The following TPRG1 variants were observed in gnomAD, a reference collection of about 807,000 sequenced individuals.
The protein encoded by TPRG1 is tumor protein p63-regulated gene 1 protein.
A neutral mutation model predicts 29.3 loss-of-function variants in TPRG1; 29 were observed. The observed-to-expected ratio is 0.99, with a 90% CI of 0.74 to 1.35. The LOEUF is 1.35. Ranked by LOEUF, TPRG1 falls within the 40% of genes most tolerant of loss-of-function variation. TPRG1 has a pLI of 0.00. For synonymous variants in TPRG1, 130 were observed against 116.8 expected (o/e 1.11, Z -0.73); for missense variants, 327 against 335.0 (o/e 0.98, Z 0.19).
At chr3:189,038,591 T>C (rs1460338477) in intron 4 of TPRG1, among the ~76,000 whole-genome samples, 1 of 151,844 alleles carries the variant, frequency 6.6e-6, no homozygotes, top group Non-Finnish European at 1.5e-5. Context: ...ACTCCCAAAA[T>C]TAAAAGTATA....
At chr3:189,139,624 C>T (rs1454818186) in intron 3 of TPRG1, among the ~76,000 whole-genome samples, 3 of 151,542 alleles carry the variant, frequency 2.0e-5, no homozygotes, top group Non-Finnish European at 4.4e-5. Context: ...GTTTTCTTTT[C>T]AGCATCAGCG....
At chr3:189,128,946 T>C (rs1722800526) in intron 2 of TPRG1, among the ~76,000 whole-genome samples, 1 of 152,158 alleles carries the variant, frequency 6.6e-6, no homozygotes, top group Non-Finnish European at 1.5e-5. Flanking sequence ...AACTCAGTTA[T>C]CTTTTAAACT....
upstream of TPRG1, among the ~76,000 whole-genome samples, chr3:189,098,178 T>G (rs2152186403): frequency 6.6e-6 from 1 of 152,036 alleles, no homozygotes; most frequent in East Asian, 1.9e-4. Flanking sequence ...GAGAGCCGGG[T>G]AGGGAAAGTA....
intron 2 of TPRG1, among the ~76,000 whole-genome samples, chr3:189,208,875 A>G (rs1359096755): frequency 6.6e-6 from 1 of 152,194 alleles, no homozygotes; most frequent in Non-Finnish European, 1.5e-5. Context: ...CTGGGAGCTG[A>G]TGCAATTATG....
intron 2 of TPRG1, among the ~76,000 whole-genome samples, chr3:189,214,548 T>G (rs1735748745): frequency 4.6e-5 from 7 of 152,152 alleles, no homozygotes; most frequent in Admixed American, 3.3e-4. Flanking sequence ...CGAAGTACAT[T>G]TGAGCAGTGG....
At chr3:189,183,773 G>T (rs1229457434) in intron 1 of TPRG1, among the ~76,000 whole-genome samples, 1 of 151,812 alleles carries the variant, frequency 6.6e-6, no homozygotes, top group Non-Finnish European at 1.5e-5. Flanking sequence ...TTGTTATCCT[G>T]TTCTTTTTTC....
intron 3 of TPRG1, among the ~76,000 whole-genome samples, chr3:189,218,309 G>C (rs1423507650): frequency 6.6e-6 from 1 of 151,940 alleles, no homozygotes; most frequent in Non-Finnish European, 1.5e-5. Context: ...GTAGAGATAG[G>C]ATTTCACCCT....
chr3:189,236,111 C>A (rs1290465001), intron 3 of TPRG1, among the ~76,000 whole-genome samples: 4 of 152,162 alleles, frequency 2.6e-5, no homozygotes, highest in East Asian at 1.9e-4. Context: ...AACCCAGGAA[C>A]TTGAGATGGT....
chr3:189,269,956 A>G (rs1035751909), intron 4 of TPRG1, among the ~76,000 whole-genome samples: 1 of 152,150 alleles, frequency 6.6e-6, no homozygotes, highest in African/African-American at 2.4e-5. Flanking sequence ...TTGAGTAGAT[A>G]TAGAGTTTTG....
upstream of TPRG1, among the ~76,000 whole-genome samples, chr3:189,097,194 T>TA (rs1002483751): frequency 7.9e-5 from 12 of 152,152 alleles, no homozygotes; most frequent in African/African-American, 2.7e-4. Flanking sequence ...ACTAATCAAA[T>TA]AAAAAAAGTT....
chr3:189,162,852 A>T (rs1361434561), intron 5 of TPRG1, among the ~76,000 whole-genome samples: 1 of 152,206 alleles, frequency 6.6e-6, no homozygotes, highest in Non-Finnish European at 1.5e-5. Context: ...TTCATTAGAG[A>T]GTTATTGTAG....
chr3:189,145,741 A>G (rs995079359), intron 3 of TPRG1, among the ~76,000 whole-genome samples: 2 of 152,258 alleles, frequency 1.3e-5, no homozygotes, highest in Non-Finnish European at 2.9e-5. Context: ...ACTGAAAACA[A>G]TGAAGCAAAT....
At chr3:189,181,571 A>G (rs1683173007) in intron 1 of TPRG1, among the ~76,000 whole-genome samples, 1 of 152,182 alleles carries the variant, frequency 6.6e-6, no homozygotes, top group Non-Finnish European at 1.5e-5. Flanking sequence ...TCTAGTTCCC[A>G]ACAAGTTCCT....
chr3:189,009,389 A>T (rs1051627675), intron 3 of TPRG1, among the ~76,000 whole-genome samples: 40 of 152,076 alleles, frequency 2.6e-4, no homozygotes, highest in African/African-American at 9.4e-4. Flanking sequence ...TACCTAAGAG[A>T]AGTGGGTATA....
chr3:189,242,611 AT>A (rs1740796500), intron 4 of TPRG1, among the ~76,000 whole-genome samples: 1 of 152,026 alleles, frequency 6.6e-6, no homozygotes, highest in Non-Finnish European at 1.5e-5. Context: ...AGGTTTTCAT[AT>A]TTTGGCTATG....
At chr3:189,267,495 G>A (rs1714313389) in intron 4 of TPRG1, 1 of 152,208 alleles carries the variant, frequency 6.6e-6, no homozygotes, top group South Asian at 2.1e-4. Context: ...TGAGAGCATA[G>A]ACAAGGCAAT....
chr3:189,033,511 A>G (rs1327650849), intron 4 of TPRG1, among the ~76,000 whole-genome samples: 2 of 151,588 alleles, frequency 1.3e-5, no homozygotes, highest in South Asian at 4.2e-4. Flanking sequence ...TGAACACCTG[A>G]GCTCAAGTAA....
intron 1 of TPRG1, among the ~76,000 whole-genome samples, chr3:189,110,763 T>G (rs1720412981): frequency 6.6e-6 from 1 of 152,018 alleles, no homozygotes; most frequent in Middle Eastern, 3.2e-3. Context: ...CTAGGTATTT[T>G]GTTTTGCTTT....
chr3:189,241,201 T>G (rs187350001), intron 4 of TPRG1, among the ~76,000 whole-genome samples: 1 of 152,182 alleles, frequency 6.6e-6, no homozygotes, highest in South Asian at 2.1e-4. Context: ...GTGCTACCAA[T>G]TAATACTTTC....
Sources: allele counts gnomAD v4.1 joint callset (sites outside exome capture counted in the v4.1 genomes callset), GRCh38; gene constraint gnomAD v4.1.1; transcripts MANE v1.5; gene names NCBI Gene and HGNC (gene_info 2026-07-23, HGNC 2026-07-21).